Variants in TGFBR3 observed in about 807,000 individuals in gnomAD.
TGFBR3 encodes transforming growth factor beta receptor type 3.
In TGFBR3, 46 loss-of-function variants were observed where a neutral mutation model predicts 87.9. The ratio of observed to expected loss-of-function variants is 0.52; its 90% CI spans 0.41 to 0.67. The LOEUF (loss-of-function observed/expected upper bound fraction) is 0.67. Among genes scored for constraint, TGFBR3 ranks in the 30% least tolerant of loss-of-function variants. TGFBR3 has a pLI of 0.00. For synonymous variants in TGFBR3, 381 were observed against 391.6 expected, an observed-to-expected ratio of 0.97 and a Z score of 0.32; for missense variants, 866 against 1,041.9, an observed-to-expected ratio of 0.83 and a Z score of 2.32.
intron 2 of TGFBR3, among the ~76,000 whole-genome samples, chr1:91,860,318 T>A (rs919202050): frequency 6.6e-6 from 1 of 152,198 alleles, no homozygotes; most frequent in African/African-American, 2.4e-5. Flanking sequence ...CAATAGATGA[T>A]CATTACTATC....
At chr1:91,848,757 G>A (rs1294848862) in intron 2 of TGFBR3, among the ~76,000 whole-genome samples, 1 of 152,158 alleles carries the variant, frequency 6.6e-6, no homozygotes, top group African/African-American at 2.4e-5. Context: ...TCATGATCCT[G>A]AAAACCAGGC....
intron 3 of TGFBR3, among the ~76,000 whole-genome samples, chr1:91,773,515 A>C (rs1674459453): frequency 6.6e-6 from 1 of 152,150 alleles, no homozygotes; most frequent in Non-Finnish European, 1.5e-5. Context: ...CCCCGTCTCT[A>C]CTAAAAAATA....
intron 7 of TGFBR3, among the ~76,000 whole-genome samples, chr1:91,724,137 A>G (rs1434219923): frequency 6.6e-6 from 1 of 152,212 alleles, no homozygotes; most frequent in Non-Finnish European, 1.5e-5. Context: ...TTCTGCGGCC[A>G]TTTGTAAACT....
intron 16 of TGFBR3, among the ~76,000 whole-genome samples, chr1:91,694,743 A>G (rs17879928): frequency 0.2 from 30,966 of 152,182 alleles, 3,332 homozygotes; most frequent in African/African-American, 0.24. Flanking sequence ...TGGGCCTGCC[A>G]CTTGCCTCTG....
chr1:91,808,670 T>G (rs1404570605), intron 2 of TGFBR3, among the ~76,000 whole-genome samples: 1 of 152,168 alleles, frequency 6.6e-6, no homozygotes, highest in African/African-American at 2.4e-5. Flanking sequence ...TTCACCATGT[T>G]GGCCAGGCTG....
intron 2 of TGFBR3, among the ~76,000 whole-genome samples, chr1:91,898,428 G>GT (rs893704726): frequency 5.9e-5 from 9 of 151,534 alleles, no homozygotes; most frequent in South Asian, 2.1e-4. Flanking sequence ...TCAACAGTAT[G>GT]TTTTTTTTGG....
At chr1:91,716,880 T>C (rs998537216) in intron 10 of TGFBR3, among the ~76,000 whole-genome samples, 172 bp from the exon 11 acceptor site, 3 of 152,250 alleles carry the variant, frequency 2.0e-5, no homozygotes, top group African/African-American at 7.2e-5. Flanking sequence ...TTCAAAGTGA[T>C]GAAGAATAAG....
intron 1 of TGFBR3, among the ~76,000 whole-genome samples, chr1:91,875,354 G>C (rs147907048): frequency 8.1e-4 from 124 of 152,228 alleles, no homozygotes; most frequent in African/African-American, 2.8e-3. Context: ...CCACAGAGAA[G>C]TAATATGGTG....
chr1:91,784,543 G>A (rs759464345), intron 3 of TGFBR3, among the ~76,000 whole-genome samples: 1 of 152,172 alleles, frequency 6.6e-6, no homozygotes, highest in African/African-American at 2.4e-5. Flanking sequence ...GTTGTGGTAG[G>A]GGGAAGAAGA....
rs1196444888 is a variant in TGFBR3 at position 91,722,025 on chromosome 1, G to C, written c.1005C>G (p.Gly335=). 1.9e-6 allele frequency: 3 copies of C among 1,613,540 alleles called. No individual in the cohort carries two copies. The African/African-American group carries it at 4.0e-5, about 22-fold the overall frequency. ...TTGTGTATGAAGTTATTGGACTATA[G>C]CCATTGTCCAAAGCCCACTTCACCA... ...GNLVKWALDN[G]YSPITSYTMA... is the part of the protein sequence containing the mutation. Residue 335 remains glycine (G), a synonymous_variant, in exon 8 of 17, where the codon GGC becomes GGG. Transcript: ENST00000212355.
At chr1:91,716,786 T>G (rs973822032) in intron 10 of TGFBR3, 78 bp from the exon 11 acceptor site, 32 of 1,525,364 alleles carry the variant, frequency 2.1e-5, no homozygotes, top group Non-Finnish European at 2.9e-5. Context: ...ACACAAACAC[T>G]CATGTAATCA....
chr1:91,824,293 G>A (rs757069093), intron 2 of TGFBR3, among the ~76,000 whole-genome samples: 9 of 152,174 alleles, frequency 5.9e-5, no homozygotes, highest in Non-Finnish European at 1.0e-4. Context: ...GAGTTAACTA[G>A]TAATGGCATT....
At chr1:91,759,896 T>C (rs1307718997) in intron 3 of TGFBR3, among the ~76,000 whole-genome samples, 1 of 152,236 alleles carries the variant, frequency 6.6e-6, no homozygotes, top group Non-Finnish European at 1.5e-5. Flanking sequence ...CACTAAATGC[T>C]GGACTATTTC....
chr1:91,801,791 G>A (rs557404773), intron 2 of TGFBR3, among the ~76,000 whole-genome samples: 1 of 152,282 alleles, frequency 6.6e-6, no homozygotes, highest in South Asian at 2.1e-4. Context: ...AAGTGTGCCA[G>A]CATCACACTG....
At chr1:91,808,640 A>T (rs894837942) in intron 2 of TGFBR3, among the ~76,000 whole-genome samples, 1 of 152,022 alleles carries the variant, frequency 6.6e-6, no homozygotes, top group African/African-American at 2.4e-5. Context: ...TAATTTTTGT[A>T]TTTTTAGTAG....
chr1:91,865,913 C>CAA (rs11330651), intron 1 of TGFBR3, among the ~76,000 whole-genome samples: 3 of 108,844 alleles, frequency 2.8e-5, no homozygotes, highest in Non-Finnish European at 5.8e-5. Context: ...CTACGTCTCC[C>CAA]AAAAAAAAAA....
intron 3 of TGFBR3, among the ~76,000 whole-genome samples, chr1:91,759,245 C>A (rs1026505938): frequency 6.6e-6 from 1 of 152,044 alleles, no homozygotes; most frequent in Non-Finnish European, 1.5e-5. Flanking sequence ...AAGAAAAGTG[C>A]CGAAAGCTGA....
chr1:91,787,804 T>C (rs1176008735), intron 3 of TGFBR3, among the ~76,000 whole-genome samples: 1 of 151,836 alleles, frequency 6.6e-6, no homozygotes, highest in Non-Finnish European at 1.5e-5. Context: ...ATACAAAAAT[T>C]AGCCGGGCGT....
chr1:91,865,333 C>G (rs1285110309), intron 1 of TGFBR3, among the ~76,000 whole-genome samples: 1 of 146,864 alleles, frequency 6.8e-6, no homozygotes, highest in Non-Finnish European at 1.5e-5. Context: ...GTAGAAATAC[C>G]TAATGTAAAT....
Sources: gnomAD v4.1 joint callset for allele counts (sites outside exome capture counted in the v4.1 genomes callset) on GRCh38, gnomAD v4.1.1 for gene constraint, MANE v1.5 for transcripts, NCBI Gene and HGNC (gene_info 2026-07-23, HGNC 2026-07-21) for gene names.